Variants in TTPAL observed in about 807,000 individuals in gnomAD.
TTPAL encodes alpha-tocopherol transfer protein-like.
In TTPAL, 21 loss-of-function variants were observed where a neutral mutation model predicts 28.7. The observed-to-expected ratio is 0.73, with a 90% CI of 0.52 to 1.06. The LOEUF (loss-of-function observed/expected upper bound fraction) is 1.06, where lower values mean the gene tolerates loss of function less well. Ranked by LOEUF, TTPAL falls within the 50% of genes least tolerant of loss-of-function variation. The pLI is 0.00. For synonymous variants in TTPAL, 169 were observed against 171.9 expected (o/e 0.98, Z 0.13); for missense variants, 345 against 425.5 (o/e 0.81, Z 1.67).
intron 2 of TTPAL, 32 bp from the exon 3 acceptor site, chr20:44,484,304 CT>C (rs767637510): frequency 8.7e-6 from 12 of 1,386,796 alleles, no homozygotes; most frequent in Admixed American, 2.2e-5. Flanking sequence ...ATATTAACTT[CT>C]GTAACATACT....
chr20:44,480,384 T>C lies in TTPAL; in HGVS notation c.385T>C (p.Phe129Leu). 6.2e-7 allele frequency: 1 copy of C among 1,613,880 alleles called. No homozygotes were observed. Among genetic ancestry groups the C allele is most frequent in the Non-Finnish European group, 8.5e-7 (1 of 1,179,906 alleles). Residue 129 changes from phenylalanine to leucine, a missense_variant, in exon 2 of 5, where the codon TTC becomes CTC. Coordinates refer to ENST00000262605, the MANE Select transcript of TTPAL (RefSeq NM_001039199.3). This position sits in a 1 kb window ranked among gnomAD's most constrained non-coding sequence, Gnocchi z 4.1. ...SALKDVLASG[F>L]LTVLPHTDPR... ...CTTAAAAGATGTCCTTGCTTCCGGGTTCCTCACCGTGCTGCCCCACACTGA... is the reference window on the plus strand; with the variant it reads ...CTTAAAAGATGTCCTTGCTTCCGGGCTCCTCACCGTGCTGCCCCACACTGA...
rs759038118 is a variant in TTPAL at position 44,490,373 on chromosome 20, G to A, written c.*832G>A. The A allele has an allele frequency of 6.6e-5, 10 of 152,306 alleles. No individual in the cohort carries two copies. The highest frequency in any genetic ancestry group is 1.3e-4 in the Non-Finnish European group (9 of 68,018). The allele number at this position is 152,306 out of a possible 1,614,324, so 9.4% of individuals were successfully genotyped here. ...GTGTACAACTATGGACAAGATATGG[G>A]CCTCTACTTTCTCCTCTATAAAATG... On this transcript the variant is annotated 3_prime_UTR_variant, in exon 5 of 5. Transcript: ENST00000262605.
At position 44,480,483 on chromosome 20, in the gene TTPAL, C is replaced by T. The variant is rs2064094287; in HGVS notation, c.445+39C>T. On this transcript the variant is annotated intron_variant, in intron 2 of 4. Coordinates refer to ENST00000262605, the MANE Select transcript of TTPAL (RefSeq NM_001039199.3). This position sits in a 1 kb window ranked among gnomAD's most constrained non-coding sequence, Gnocchi z 4.1. ...CTGTTGTGGGGTGTGTGTGTCCAGT[C>T]CTTCTGCAGTGTGTCCATTCAGCAC... 6.5e-7 allele frequency: 1 copy of T among 1,527,156 alleles called. No homozygotes were observed. The highest frequency in any genetic ancestry group is 1.4e-5 in the African/African-American group (1 of 72,580). 94.6% of individuals were successfully genotyped at this position (1,527,156 alleles called of 1,614,324 possible).
Position 44,475,950 on chromosome 20 carries a change from T to C in TTPAL, c.-57T>C, listed in dbSNP as rs1335087713. On this transcript the variant is annotated 5_prime_UTR_variant, in exon 1 of 5. Coordinates refer to ENST00000262605, the MANE Select transcript of TTPAL (RefSeq NM_001039199.3). ...TTCTGCGTGCGCTGCCGGACGAGGC[T>C]CCCGCCGCCGATTGACCCGCGCTCC... The C allele has an allele frequency of 1.3e-5, 2 of 152,210 alleles. No individual in the cohort carries two copies. The highest frequency in any genetic ancestry group is 3.9e-4 in the East Asian group (2 of 5,184). 9.4% of individuals were successfully genotyped at this position (152,210 alleles called of 1,614,324 possible).
intron 2 of TTPAL, among the ~76,000 whole-genome samples, chr20:44,481,045 C>T (rs766197663): frequency 2.6e-5 from 4 of 152,184 alleles, no homozygotes; most frequent in East Asian, 1.9e-4. Context: ...TGCAAGGGTG[C>T]GGACTGGGCA....
chr20:44,480,203 G>A lies in TTPAL; in HGVS notation c.204G>A (p.Glu68=). ...VQALRDMVRK[E]YPNLSTSLDD... ...CCCTTCGTGACATGGTGCGGAAGGA[G>A]TACCCCAACCTGAGCACATCCCTCG... Residue 68 remains glutamate, a synonymous_variant, in exon 2 of 5, where the codon GAG becomes GAA. Coordinates refer to ENST00000262605, the MANE Select transcript of TTPAL (RefSeq NM_001039199.3). The surrounding 1 kb of genome is among the most constrained non-coding windows in gnomAD (Gnocchi z 4.1). 1 of 1,614,142 alleles carries A rather than the reference G, an allele frequency of 6.2e-7. No individual in the cohort carries two copies. The highest frequency in any genetic ancestry group is 8.5e-7 in the Non-Finnish European group (1 of 1,180,010).
chr20:44,481,669 G>A (rs1298693583), intron 2 of TTPAL, among the ~76,000 whole-genome samples: 1 of 152,196 alleles, frequency 6.6e-6, no homozygotes, highest in African/African-American at 2.4e-5. Context: ...TTGAAGGGAA[G>A]TTTGATGGGG....
chr20:44,476,758 A>G (rs1394995597), intron 1 of TTPAL, among the ~76,000 whole-genome samples: 1 of 152,242 alleles, frequency 6.6e-6, no homozygotes, highest in East Asian at 1.9e-4. Flanking sequence ...TCATTCCACT[A>G]TAATGTAAGC....
At chr20:44,486,398 C>G (rs1257799260) in intron 3 of TTPAL, 198 bp from the exon 4 acceptor site, 1 of 470,436 alleles carries the variant, frequency 2.1e-6, no homozygotes, top group Non-Finnish European at 3.8e-6. Context: ...TGCCTCTCTT[C>G]TAACCCAGTT....
rs3746577 is a variant in TTPAL, at chr20:44,480,621, T to C, written c.445+177T>C. Among the ~76,000 whole-genome samples the C allele has an allele frequency of 0.012, 1,767 of 152,292 alleles. 119 individuals are homozygous for C. In the East Asian group the frequency reaches 0.16, roughly 13 times the overall value. On this transcript the variant is annotated intron_variant, in intron 2 of 4. Transcript: ENST00000262605. The surrounding 1 kb of genome is among the most constrained non-coding windows in gnomAD (Gnocchi z 4.1). Reference sequence around the variant, plus strand: ...CCAACTTCAGAAAAAAGGGAGGATTTAGTCGAAGGAGACAGGAGTCCCTCC... The same window carrying C: ...CCAACTTCAGAAAAAAGGGAGGATTCAGTCGAAGGAGACAGGAGTCCCTCC...
chr20:44,486,537 G>A (rs773453128), intron 3 of TTPAL, 59 bp from the exon 4 acceptor site: 49 of 1,008,762 alleles, frequency 4.9e-5, no homozygotes, highest in Non-Finnish European at 6.9e-5. Flanking sequence ...TTAACTTGGG[G>A]GAGGAAGGTG....
In TTPAL at chr20:44,490,513, T is replaced by C. The variant is rs2064195133; in HGVS notation, c.*972T>C. On this transcript the variant is annotated 3_prime_UTR_variant, in exon 5 of 5. Coordinates refer to ENST00000262605, the MANE Select transcript of TTPAL (RefSeq NM_001039199.3). ...AAGATAACTATCTAGATACAAGTGG[T>C]TGGATCCTGTTTTTGTTTGTGGTAC... 6.6e-6 allele frequency: 1 copy of C among 152,362 alleles called. No individual in the cohort carries two copies. The highest frequency in any genetic ancestry group is 1.5e-5 in the Non-Finnish European group (1 of 68,046). 9.4% of individuals were successfully genotyped at this position (152,362 alleles called of 1,614,324 possible). A position where few individuals can be genotyped will look rare whatever the true frequency, so the allele number is the denominator to read the frequency against.
chr20:44,479,685 C>T (rs1364947133), intron 1 of TTPAL, among the ~76,000 whole-genome samples: 1 of 152,108 alleles, frequency 6.6e-6, no homozygotes, highest in Non-Finnish European at 1.5e-5. Flanking sequence ...TTTTAATTCA[C>T]ATTTATTTAA....
chr20:44,480,103 T>G lies in TTPAL; in HGVS notation c.104T>G (p.Leu35Arg). 1 of 1,614,132 alleles carries G rather than the reference T, an allele frequency of 6.2e-7. No homozygotes were observed. The highest frequency in any genetic ancestry group is 8.5e-7 in the Non-Finnish European group (1 of 1,180,038). The part of the protein sequence containing the change: ...PPEPPGYVCS[L>R]TEDLVTKARE... Reference sequence around the variant, plus strand: ...GAGCCTCCGGGCTATGTGTGCTCACTGACAGAAGACCTGGTCACCAAAGCC... The same window carrying G: ...GAGCCTCCGGGCTATGTGTGCTCACGGACAGAAGACCTGGTCACCAAAGCC... The change falls in exon 2 of 5, where the codon CTG becomes CGG. Residue 35 changes from leucine (L) to arginine (R), a missense_variant. Transcript: ENST00000262605. This position sits in a 1 kb window ranked among gnomAD's most constrained non-coding sequence, Gnocchi z 4.1.
intron 1 of TTPAL, 96 bp from the exon 2 acceptor site, chr20:44,479,889 C>T (rs571119603): frequency 4.9e-6 from 5 of 1,028,278 alleles, no homozygotes; most frequent in East Asian, 2.5e-5. Context: ...TGAGGTTACT[C>T]GGTTTTTACA....
intron 2 of TTPAL, among the ~76,000 whole-genome samples, chr20:44,483,940 C>T (rs904285285): frequency 4.6e-5 from 7 of 152,098 alleles, no homozygotes; most frequent in Non-Finnish European, 7.4e-5. Flanking sequence ...TACAGCCACA[C>T]CCCACCATAC....
intron 4 of TTPAL, among the ~76,000 whole-genome samples, chr20:44,488,087 CAT>C (rs763517804): frequency 6.6e-6 from 1 of 152,126 alleles, no homozygotes; most frequent in Non-Finnish European, 1.5e-5. Flanking sequence ...TTCAAAGTAA[CAT>C]ATATAGATGG....
chr20:44,479,277 G>A (rs2122769887), intron 1 of TTPAL, among the ~76,000 whole-genome samples: 1 of 152,198 alleles, frequency 6.6e-6, no homozygotes, highest in South Asian at 2.1e-4. Flanking sequence ...TGACCCAAAG[G>A]GCATGTAGGT....
At chr20:44,487,831 C>T (rs777974538) in intron 4 of TTPAL, among the ~76,000 whole-genome samples, 2 of 152,154 alleles carry the variant, frequency 1.3e-5, no homozygotes, top group Non-Finnish European at 2.9e-5. Flanking sequence ...TGCAGTGGTG[C>T]GATCTCAGCT....
Sources: gnomAD v4.1 joint callset for allele counts (sites outside exome capture counted in the v4.1 genomes callset) on GRCh38, gnomAD v4.1.1 for gene constraint, Gnocchi (gnomAD v3.1) non-coding constraint, MANE v1.5 for transcripts, NCBI Gene and HGNC (gene_info 2026-07-23, HGNC 2026-07-21) for gene names.